Variants in SPOCK3 observed in about 807,000 individuals in gnomAD.
SPOCK3 encodes testican-3.
SPOCK3 carries 30 observed loss-of-function variants against 56.6 expected under a neutral mutation model. The ratio of observed to expected loss-of-function variants is 0.53; its 90% CI spans 0.40 to 0.72. The LOEUF is 0.72. SPOCK3 is among the 30% of genes least tolerant of loss of function. SPOCK3 has a pLI of 0.00. For missense variants in SPOCK3, 527 were observed against 530.0 expected (o/e 0.99, Z 0.06); for synonymous variants, 196 against 183.3 (o/e 1.07, Z -0.56).
chr4:166,949,109 A>G (rs1742163438), intron 4 of SPOCK3, among the ~76,000 whole-genome samples: 1 of 151,984 alleles, frequency 6.6e-6, no homozygotes, highest in Admixed American at 6.6e-5. Flanking sequence ...TCCATCGCTG[A>G]TACCCTTTCT....
chr4:166,802,590 G>A (rs1742727505), intron 6 of SPOCK3, among the ~76,000 whole-genome samples: 1 of 151,902 alleles, frequency 6.6e-6, no homozygotes, highest in Non-Finnish European at 1.5e-5. Flanking sequence ...ATTCACATGG[G>A]CTCAGCCTTT....
At chr4:166,740,493 CTTATTATTATTATTA>C (rs71604445) in intron 9 of SPOCK3, among the ~76,000 whole-genome samples, 1 of 135,366 alleles carries the variant, frequency 7.4e-6, no homozygotes, top group Admixed American at 7.6e-5. Flanking sequence ...TATATAAGAA[CTTATTATTATTATTA>C]TTATTATTAT....
intron 4 of SPOCK3, among the ~76,000 whole-genome samples, chr4:166,968,685 T>C (rs1745022974): frequency 7.3e-6 from 1 of 137,522 alleles, no homozygotes. Context: ...AGAAGTCTAC[T>C]GCACAGGCAG....
At chr4:167,204,980 C>A (rs1733889832) in intron 2 of SPOCK3, among the ~76,000 whole-genome samples, 2 of 147,546 alleles carry the variant, frequency 1.4e-5, no homozygotes, top group South Asian at 4.3e-4. Context: ...TGTTGGGGGT[C>A]GTGCACAGTA....
chr4:167,206,680 A>G (rs1247501324), intron 2 of SPOCK3, among the ~76,000 whole-genome samples: 9 of 152,094 alleles, frequency 5.9e-5, no homozygotes, highest in Non-Finnish European at 1.0e-4. Flanking sequence ...ATAAAACTCC[A>G]TCTTAAGACT....
intron 8 of SPOCK3, among the ~76,000 whole-genome samples, chr4:166,752,565 TATATATATACACACACACACAC>T (rs1192120288): frequency 7.8e-4 from 79 of 101,282 alleles, no homozygotes; most frequent in Admixed American, 2.4e-3. Context: ...TATATATATA[TATATATATACACACACACACAC>T]ACACACACAC....
chr4:166,898,827 C>G (rs1735692664), intron 5 of SPOCK3, among the ~76,000 whole-genome samples: 1 of 152,040 alleles, frequency 6.6e-6, no homozygotes, highest in South Asian at 2.1e-4. Context: ...TCTGAATGGG[C>G]TAAGGGATAC....
At chr4:166,839,213 G>A (rs1454609144) in intron 6 of SPOCK3, among the ~76,000 whole-genome samples, 1 of 152,114 alleles carries the variant, frequency 6.6e-6, no homozygotes, top group African/African-American at 2.4e-5. Context: ...CTGCCAGGTG[G>A]TGTCAGAAGC....
chr4:166,943,593 G>C (rs1452596180), intron 4 of SPOCK3, among the ~76,000 whole-genome samples: 1 of 152,126 alleles, frequency 6.6e-6, no homozygotes, highest in African/African-American at 2.4e-5. Context: ...TAATGAATTG[G>C]AGGGGAAAAA....
At chr4:166,896,229 G>C (rs942393450) in intron 5 of SPOCK3, among the ~76,000 whole-genome samples, 1 of 152,070 alleles carries the variant, frequency 6.6e-6, no homozygotes, top group Non-Finnish European at 1.5e-5. Flanking sequence ...GTCACCAAGG[G>C]AAATTTTCAC....
intron 6 of SPOCK3, among the ~76,000 whole-genome samples, chr4:166,885,906 A>G (rs983218012): frequency 4.0e-4 from 61 of 152,246 alleles, no homozygotes; most frequent in Non-Finnish European, 1.5e-4. Flanking sequence ...GAGTAAACCA[A>G]TGGAGCACTT....
intron 2 of SPOCK3, among the ~76,000 whole-genome samples, chr4:167,127,431 C>CTT (rs1423258826): frequency 2.1e-5 from 3 of 141,748 alleles, no homozygotes; most frequent in Admixed American, 7.1e-5. Context: ...TGGAAATTTT[C>CTT]TTTTTTTTTT....
intron 6 of SPOCK3, among the ~76,000 whole-genome samples, chr4:166,876,784 G>A (rs1230239639): frequency 2.0e-5 from 3 of 152,124 alleles, no homozygotes; most frequent in Non-Finnish European, 4.4e-5. Context: ...TAAAATATAT[G>A]TAGGTGAAGG....
At chr4:166,975,029 G>T (rs1745791443) in intron 4 of SPOCK3, among the ~76,000 whole-genome samples, 1 of 152,234 alleles carries the variant, frequency 6.6e-6, no homozygotes, top group Admixed American at 6.5e-5. Flanking sequence ...CTGAGAGTCG[G>T]TCTGTCATAA....
chr4:167,184,950 GTTGT>G (rs1415080369), intron 2 of SPOCK3, among the ~76,000 whole-genome samples: 1 of 152,130 alleles, frequency 6.6e-6, no homozygotes, highest in Non-Finnish European at 1.5e-5. Flanking sequence ...TCAATTGTAA[GTTGT>G]TTGAATATGT....
At chr4:166,787,617 G>A (rs1740872267) in intron 7 of SPOCK3, among the ~76,000 whole-genome samples, 2 of 152,072 alleles carry the variant, frequency 1.3e-5, no homozygotes, top group African/African-American at 2.4e-5. Context: ...GGCCTACTGT[G>A]ACGTTTTCTA....
intron 2 of SPOCK3, among the ~76,000 whole-genome samples, chr4:167,116,913 G>GTATATATATATATATA (rs70957813): frequency 2.5e-5 from 3 of 121,526 alleles, no homozygotes; most frequent in East Asian, 2.4e-4. Context: ...GTGTGTGTGT[G>GTATATATATATATATA]TATATATATA....
intron 6 of SPOCK3, among the ~76,000 whole-genome samples, chr4:166,795,750 TA>T (rs1027273405): frequency 8.6e-5 from 13 of 152,024 alleles, no homozygotes; most frequent in Non-Finnish European, 1.8e-4. Flanking sequence ...AGTCAATAAA[TA>T]TTTTTTTCAG....
At chr4:167,014,988 A>G (rs941085811) in intron 3 of SPOCK3, among the ~76,000 whole-genome samples, 2 of 151,934 alleles carry the variant, frequency 1.3e-5, no homozygotes, top group South Asian at 4.1e-4. Context: ...ATATTTTTGT[A>G]ATATAAGAAT....
Sources: gnomAD v4.1 joint callset for allele counts (sites outside exome capture counted in the v4.1 genomes callset) on GRCh38, gnomAD v4.1.1 for gene constraint, MANE v1.5 for transcripts, NCBI Gene and HGNC (gene_info 2026-07-23, HGNC 2026-07-21) for gene names.